PDE11A: variants seen among roughly 807,000 people sequenced by gnomAD.
PDE11A encodes the protein phosphodiesterase 11A.
A neutral mutation model predicts 100.5 loss-of-function variants in PDE11A; 100 were observed. The observed-to-expected ratio is 1.00, with a 90% CI of 0.85 to 1.18. The LOEUF is 1.18. Among genes scored for constraint, PDE11A ranks in the 50% most tolerant of loss-of-function variants. The probability of loss-of-function intolerance (pLI) is 0.00; values close to 1 mark genes in which losing one functional copy is unlikely to be tolerated. For synonymous variants in PDE11A, 381 were observed against 420.8 expected, an observed-to-expected ratio of 0.91 and a Z score of 1.16; for missense variants, 1,141 against 1,152.6, an observed-to-expected ratio of 0.99 and a Z score of 0.15.
intron 2 of PDE11A, among the ~76,000 whole-genome samples, chr2:178,088,148 G>A (rs946223136): frequency 6.6e-6 from 1 of 152,042 alleles, no homozygotes; most frequent in African/African-American, 2.4e-5. Context: ...CACTTTGTGG[G>A]GAATGAGAAA....
At chr2:177,890,688 G>T (rs1331834757) in intron 4 of PDE11A, among the ~76,000 whole-genome samples, 2 of 152,072 alleles carry the variant, frequency 1.3e-5, no homozygotes, top group African/African-American at 4.8e-5. Flanking sequence ...CTGACACCCT[G>T]ACTTTTAAGT....
intron 2 of PDE11A, among the ~76,000 whole-genome samples, chr2:177,940,185 T>G (rs1354440999): frequency 6.6e-6 from 1 of 152,180 alleles, no homozygotes; most frequent in African/African-American, 2.4e-5. Context: ...TATACTATTT[T>G]ATCTAATCTG....
chr2:177,871,580 C>T (rs1456591707), intron 5 of PDE11A, among the ~76,000 whole-genome samples: 1 of 148,604 alleles, frequency 6.7e-6, no homozygotes, highest in African/African-American at 2.5e-5. Flanking sequence ...TATTTTAAAT[C>T]TTAGGCTTGG....
chr2:178,093,995 C>T (rs1253727099), intron 2 of PDE11A, among the ~76,000 whole-genome samples: 2 of 152,140 alleles, frequency 1.3e-5, no homozygotes, highest in South Asian at 2.1e-4. Flanking sequence ...TATATGTTAT[C>T]GCTAATATAA....
At chr2:177,909,418 C>T (rs894302204) in intron 2 of PDE11A, among the ~76,000 whole-genome samples, 6 of 152,172 alleles carry the variant, frequency 3.9e-5, no homozygotes, top group Admixed American at 2.0e-4. Context: ...TGCCTTCTCC[C>T]GTCAGGCCCT....
intron 2 of PDE11A, among the ~76,000 whole-genome samples, chr2:177,931,272 A>C (rs1267814770): frequency 6.6e-6 from 1 of 152,354 alleles, no homozygotes; most frequent in South Asian, 2.1e-4. Flanking sequence ...AAAAGTGTAC[A>C]TATTTATCAT....
chr2:177,675,909 A>G (rs2105497885), intron 16 of PDE11A: 1 of 335,952 alleles, frequency 3.0e-6, no homozygotes, highest in East Asian at 7.6e-5. Context: ...GGCTGATGAA[A>G]CTACTTACCA....
intron 15 of PDE11A, among the ~76,000 whole-genome samples, chr2:177,683,652 G>A (rs2080899755): frequency 1.3e-5 from 2 of 152,204 alleles, no homozygotes; most frequent in Admixed American, 6.5e-5. Flanking sequence ...TTGCTTTGCT[G>A]AGTCTTTTTC....
chr2:177,709,511 T>G (rs2081327783), intron 13 of PDE11A, among the ~76,000 whole-genome samples: 1 of 152,068 alleles, frequency 6.6e-6, no homozygotes, highest in Non-Finnish European at 1.5e-5. Context: ...TGTAGGACTT[T>G]GAAGAGGAGG....
At chr2:177,722,358 A>C (rs1290157796) in intron 12 of PDE11A, among the ~76,000 whole-genome samples, 3 of 152,200 alleles carry the variant, frequency 2.0e-5, no homozygotes, top group African/African-American at 7.2e-5. Context: ...CCCATAACTC[A>C]TGAATGGCAG....
rs567621311 is a variant in PDE11A at position 177,737,420 on chromosome 2, T to TACACACAC, written c.1789-9256_1789-9249dup. Among the ~76,000 whole-genome samples the TACACACAC allele has an allele frequency of 7.1e-3, 779 of 110,494 alleles. 47 individuals carry two copies. Among genetic ancestry groups the TACACACAC allele is most frequent in the Middle Eastern group, 0.023 (5 of 220 alleles). 72.5% of individuals were successfully genotyped at this position (110,494 alleles called of 152,430 possible). A position where few individuals can be genotyped will look rare whatever the true frequency, so the allele number is the denominator to read the frequency against. Reference sequence around the variant, plus strand: ...AGTGAAACCCCGTCTCTACTAAAAATACACACACACATACACACACACACA... The same window carrying TACACACAC: ...AGTGAAACCCCGTCTCTACTAAAAATACACACACACACACACACATACACACACACACA... On this transcript the variant is annotated intron_variant, in intron 10 of 19. Transcript: ENST00000286063.
chr2:177,891,666 T>C (rs1465137942), intron 4 of PDE11A, among the ~76,000 whole-genome samples: 1 of 152,220 alleles, frequency 6.6e-6, no homozygotes, highest in Non-Finnish European at 1.5e-5. Context: ...GGCAAAGGAT[T>C]ATCTAGAACA....
intron 1 of PDE11A, among the ~76,000 whole-genome samples, chr2:178,034,683 C>G (rs1398619653): frequency 2.6e-5 from 4 of 152,136 alleles, no homozygotes; most frequent in African/African-American, 9.7e-5. Flanking sequence ...TCCCTCAGAC[C>G]ACAGTACAAT....
chr2:177,802,608 T>A (rs992244154), intron 9 of PDE11A, among the ~76,000 whole-genome samples: 8 of 152,020 alleles, frequency 5.3e-5, no homozygotes, highest in Non-Finnish European at 1.0e-4. Context: ...AGAGTACATA[T>A]TGTATAACTG....
chr2:178,017,375 T>G (rs1336793568), intron 1 of PDE11A, among the ~76,000 whole-genome samples: 1 of 152,176 alleles, frequency 6.6e-6, no homozygotes, highest in Non-Finnish European at 1.5e-5. Context: ...ACAATTTAAA[T>G]GAATAAATTA....
intron 2 of PDE11A, among the ~76,000 whole-genome samples, chr2:177,919,859 A>G (rs10190805): frequency 0.074 from 11,328 of 152,252 alleles, 425 homozygotes; most frequent in South Asian, 0.1. Context: ...GAAACGAGAA[A>G]TAAGAGGAAC....
chr2:177,675,340 T>G (rs569604307), intron 17 of PDE11A, 115 bp downstream of exon 17: 6 of 774,558 alleles, frequency 7.7e-6, no homozygotes, highest in Middle Eastern at 7.1e-4. Context: ...ATGTTAATAC[T>G]GATGCAAATT....
chr2:177,709,029 CAG>C (rs1418978685), intron 13 of PDE11A, among the ~76,000 whole-genome samples: 1 of 152,114 alleles, frequency 6.6e-6, no homozygotes, highest in Admixed American at 6.5e-5. Context: ...TATTGGGCAG[CAG>C]AGAGATGTGA....
intron 2 of PDE11A, among the ~76,000 whole-genome samples, chr2:177,959,418 T>C (rs995752950): frequency 1.3e-5 from 2 of 152,176 alleles, no homozygotes; most frequent in African/African-American, 4.8e-5. Flanking sequence ...AGTATCTCTC[T>C]GGCTACCCTA....
Sources: allele counts gnomAD v4.1 joint callset (sites outside exome capture counted in the v4.1 genomes callset), GRCh38; gene constraint gnomAD v4.1.1; transcripts MANE v1.5; gene names NCBI Gene and HGNC (gene_info 2026-07-23, HGNC 2026-07-21).